The following GLIS3 variants were observed in gnomAD, a reference collection of about 807,000 sequenced individuals.
The protein encoded by GLIS3 is zinc finger protein GLIS3.
In GLIS3, 53 loss-of-function variants were observed where a neutral mutation model predicts 78.6. The observed-to-expected ratio is 0.67, with a 90% confidence interval of 0.54 to 0.85. The LOEUF (loss-of-function observed/expected upper bound fraction) is 0.85, where lower values mean the gene tolerates loss of function less well. GLIS3 is among the 40% of genes least tolerant of loss of function. GLIS3 has a pLI of 0.00. For synonymous variants in GLIS3, 684 were observed against 509.9 expected (o/e 1.34, Z -4.60); for missense variants, 1,703 against 1,231.1 (o/e 1.38, Z -5.74).
chr9:4,368,777 G>T, the GLIS3 span, among the ~76,000 whole-genome samples: 3 of 152,182 alleles, frequency 2.0e-5, no homozygotes, highest in Non-Finnish European at 4.4e-5. Flanking sequence ...AGCATGCACT[G>T]GAGTCGGTTT....
chr9:3,842,050 A>G (rs978963313), intron 9 of GLIS3, among the ~76,000 whole-genome samples: 8 of 152,236 alleles, frequency 5.3e-5, no homozygotes, highest in African/African-American at 1.9e-4. Flanking sequence ...GCTTTGCTGT[A>G]AGAAAGATCC....
intron 2 of GLIS3, among the ~76,000 whole-genome samples, chr9:4,262,981 C>T (rs1825664742): frequency 6.7e-6 from 1 of 150,314 alleles, no homozygotes; most frequent in Admixed American, 6.6e-5. Context: ...CATGAATTCA[C>T]TGTGGCACCC....
intron 2 of GLIS3, among the ~76,000 whole-genome samples, chr9:4,334,191 C>G (rs1322014277): frequency 6.6e-6 from 1 of 152,172 alleles, no homozygotes; most frequent in Non-Finnish European, 1.5e-5. Context: ...GGTAAAGAAA[C>G]TGAGTAAAGG....
At chr9:3,924,921 GA>G (rs1173998102) in intron 6 of GLIS3, among the ~76,000 whole-genome samples, 1 of 152,124 alleles carries the variant, frequency 6.6e-6, no homozygotes, top group African/African-American at 2.4e-5. Flanking sequence ...CAGTCAATCA[GA>G]AAAACAATTA....
chr9:4,273,052 G>C (rs923951463), intron 2 of GLIS3, among the ~76,000 whole-genome samples: 1 of 152,188 alleles, frequency 6.6e-6, no homozygotes, highest in Non-Finnish European at 1.5e-5. Context: ...GAAGTAAACT[G>C]AAAATATAGA....
At chr9:4,407,915 G>A in the GLIS3 span, among the ~76,000 whole-genome samples, 5 of 151,502 alleles carry the variant, frequency 3.3e-5, no homozygotes, top group African/African-American at 1.2e-4. Context: ...ACAACTCTAA[G>A]AGGAAAAAAA....
intron 2 of GLIS3, among the ~76,000 whole-genome samples, chr9:4,168,848 C>T (rs1008007022): frequency 6.6e-6 from 1 of 152,136 alleles, no homozygotes; most frequent in East Asian, 1.9e-4. Flanking sequence ...CTTGGTCCCT[C>T]GTTAGGCCTA....
At chr9:3,859,074 T>C (rs2130268648) in intron 8 of GLIS3, among the ~76,000 whole-genome samples, 1 of 152,292 alleles carries the variant, frequency 6.6e-6, no homozygotes, top group South Asian at 2.1e-4. Flanking sequence ...AGAGAGAGTC[T>C]TCCTGTTTGA....
In GLIS3 at chr9:4,126,301, AT is replaced by A. The variant is rs1271793102; in HGVS notation, c.389-361del. Among the ~76,000 whole-genome samples the A allele has an allele frequency of 2.0e-5, 3 of 152,216 alleles. No homozygotes were observed. In the East Asian group the frequency reaches 5.8e-4, roughly 29 times the overall value. ...CAAGTTTTTTCCTAGAATAGCTAATATCTTGAATCACCCAGCAAGGAAAGTT... is the reference window on the plus strand; with the variant it reads ...CAAGTTTTTTCCTAGAATAGCTAATACTTGAATCACCCAGCAAGGAAAGTT... On this transcript the variant is annotated intron_variant, in intron 2 of 10. Coordinates refer to ENST00000381971, the MANE Select transcript of GLIS3 (RefSeq NM_001042413.2).
At chr9:4,058,322 G>T (rs879042202) in intron 4 of GLIS3, among the ~76,000 whole-genome samples, 7 of 151,532 alleles carry the variant, frequency 4.6e-5, no homozygotes, top group African/African-American at 1.5e-4. Flanking sequence ...ATAAAAAAAA[G>T]CATGGCAGAG....
At chr9:4,472,027 C>T in the GLIS3 span, among the ~76,000 whole-genome samples, 6 of 152,196 alleles carry the variant, frequency 3.9e-5, no homozygotes, top group Admixed American at 2.0e-4. Context: ...CACTGGTCAT[C>T]AGAGAAATGC....
chr9:4,199,311 G>T (rs568252952), intron 2 of GLIS3, among the ~76,000 whole-genome samples: 1 of 152,110 alleles, frequency 6.6e-6, no homozygotes, highest in Non-Finnish European at 1.5e-5. Context: ...CTGTCTTCAA[G>T]AGACCCACCT....
chr9:3,913,040 T>G (rs1038144281), intron 6 of GLIS3, among the ~76,000 whole-genome samples: 53 of 152,330 alleles, frequency 3.5e-4, no homozygotes, highest in African/African-American at 1.2e-3. Flanking sequence ...AGCTATCTAG[T>G]AATTACTTCC....
At chr9:3,947,444 T>C (rs942035621) in intron 4 of GLIS3, among the ~76,000 whole-genome samples, 1 of 152,238 alleles carries the variant, frequency 6.6e-6, no homozygotes, top group African/African-American at 2.4e-5. Context: ...GCTTATCATA[T>C]AGGCACATAG....
At chr9:3,837,450 C>T (rs939237109) in intron 9 of GLIS3, among the ~76,000 whole-genome samples, 1 of 152,162 alleles carries the variant, frequency 6.6e-6, no homozygotes, top group South Asian at 2.1e-4. Flanking sequence ...AACTTATGTC[C>T]ATACAAATCC....
intron 2 of GLIS3, among the ~76,000 whole-genome samples, chr9:4,211,441 G>C (rs73400409): frequency 1.3e-5 from 2 of 152,098 alleles, no homozygotes; most frequent in South Asian, 2.1e-4. Flanking sequence ...CATCCTGCAC[G>C]CACCTTTTTC....
At chr9:3,890,035 G>A (rs1822329355) in intron 7 of GLIS3, among the ~76,000 whole-genome samples, 1 of 152,158 alleles carries the variant, frequency 6.6e-6, no homozygotes. Flanking sequence ...TGAGATAAAT[G>A]ACATGGCCTG....
chr9:4,084,256 A>AACACAC (rs370384726), intron 4 of GLIS3, among the ~76,000 whole-genome samples: 4,244 of 132,130 alleles, frequency 0.032, 156 homozygotes, highest in Admixed American at 0.12. Flanking sequence ...TCCTCTCTCT[A>AACACAC]ACACACACAC....
intron 2 of GLIS3, among the ~76,000 whole-genome samples, chr9:4,204,904 G>A (rs925402286): frequency 2.2e-5 from 3 of 138,754 alleles, no homozygotes; most frequent in South Asian, 5.8e-4. Context: ...ACAAAGCAAA[G>A]CTCCATCTCA....
Sources: gnomAD v4.1 joint callset for allele counts (sites outside exome capture counted in the v4.1 genomes callset) on GRCh38, gnomAD v4.1.1 for gene constraint, MANE v1.5 for transcripts, NCBI Gene and HGNC (gene_info 2026-07-23, HGNC 2026-07-21) for gene names.